Variants in ALPK2 observed in about 807,000 individuals in gnomAD.
The protein encoded by ALPK2 is alpha kinase 2, also known as alpha-protein kinase 2.
A neutral mutation model predicts 163.1 loss-of-function variants in ALPK2; 127 were observed. The observed-to-expected ratio is 0.78, with a 90% CI of 0.67 to 0.90. The LOEUF (loss-of-function observed/expected upper bound fraction) is 0.90. Among genes scored for constraint, ALPK2 ranks in the 40% least tolerant of loss-of-function variants. ALPK2 has a pLI of 0.00. For synonymous variants in ALPK2, 953 were observed against 959.1 expected, an observed-to-expected ratio of 0.99 and a Z score of 0.12; for missense variants, 2,360 against 2,589.6, an observed-to-expected ratio of 0.91 and a Z score of 1.92.
At chr18:58,516,281 G>A (rs1398890236) in intron 9 of ALPK2, among the ~76,000 whole-genome samples, 2 of 151,860 alleles carry the variant, frequency 1.3e-5, no homozygotes, top group East Asian at 3.9e-4. Context: ...GATAGGAGGA[G>A]GAAGGAGCGA....
At chr18:58,556,556 C>T (rs911064908) in intron 4 of ALPK2, among the ~76,000 whole-genome samples, 25 of 139,844 alleles carry the variant, frequency 1.8e-4, no homozygotes, top group African/African-American at 5.5e-4. Flanking sequence ...TTATTAGCTA[C>T]GGGGTGGTGG....
intron 3 of ALPK2, among the ~76,000 whole-genome samples, chr18:58,581,697 T>G (rs12457935): frequency 0.32 from 48,152 of 152,140 alleles, 8,324 homozygotes; most frequent in East Asian, 0.59. Flanking sequence ...CTTATTAATC[T>G]CATTTGACCG....
intron 4 of ALPK2, among the ~76,000 whole-genome samples, chr18:58,554,050 G>A (rs1375656317): frequency 6.6e-6 from 1 of 151,610 alleles, no homozygotes; most frequent in Non-Finnish European, 1.5e-5. Context: ...CAGTAAAGGC[G>A]GGATTTCCCC....
intron 3 of ALPK2, among the ~76,000 whole-genome samples, chr18:58,586,278 G>A (rs1048608861): frequency 3.9e-5 from 6 of 152,152 alleles, no homozygotes; most frequent in Non-Finnish European, 5.9e-5. Context: ...GTGCTAAGTT[G>A]TATGGTAGAA....
chr18:58,493,070 G>A (rs17728221), intron 12 of ALPK2, among the ~76,000 whole-genome samples: 33,065 of 152,142 alleles, frequency 0.22, 4,063 homozygotes, highest in South Asian at 0.4. Flanking sequence ...TGGGCTGACC[G>A]GATGAAGATG....
chr18:58,614,613 C>A lies in ALPK2; in HGVS notation c.-20-2796G>T, dbSNP rs766317770. On this transcript the variant is annotated intron_variant, in intron 1 of 12. Coordinates refer to ENST00000361673, the MANE Select transcript of ALPK2 (RefSeq NM_052947.4). ...GATATCAATTGGTATTTTTAAAAAACCAGATTTAATACCAGCCCAAGGCTG... is the reference window on the plus strand; with the variant it reads ...GATATCAATTGGTATTTTTAAAAAAACAGATTTAATACCAGCCCAAGGCTG... 3.1e-4 allele frequency among the ~76,000 whole-genome samples: 47 copies of A among 152,338 alleles called. 1 individual carries two copies. The highest frequency in any genetic ancestry group is 3.4e-3 in the Middle Eastern group (1 of 294).
At chr18:58,595,288 T>C (rs1376113598) in intron 3 of ALPK2, among the ~76,000 whole-genome samples, 2 of 152,214 alleles carry the variant, frequency 1.3e-5, no homozygotes, top group Non-Finnish European at 2.9e-5. Flanking sequence ...CTGGCTCCTC[T>C]TGCGATCCCT....
chr18:58,618,059 T>A (rs568667691), intron 1 of ALPK2, among the ~76,000 whole-genome samples: 5 of 152,266 alleles, frequency 3.3e-5, no homozygotes, highest in Non-Finnish European at 5.9e-5. Context: ...ATATATATAT[T>A]TTTGAGATGG....
At chr18:58,485,612 G>A (rs2051334617) in intron 12 of ALPK2, among the ~76,000 whole-genome samples, 4 of 152,338 alleles carry the variant, frequency 2.6e-5, no homozygotes, top group African/African-American at 7.2e-5. Flanking sequence ...TGGCAGAGTG[G>A]GAAATCGTCT....
intron 4 of ALPK2, among the ~76,000 whole-genome samples, chr18:58,573,382 G>GTGTA (rs1568089470): frequency 7.2e-6 from 1 of 138,588 alleles, no homozygotes; most frequent in African/African-American, 2.6e-5. Flanking sequence ...ATATGTGTGT[G>GTGTA]TATATATATA....
intron 10 of ALPK2, among the ~76,000 whole-genome samples, chr18:58,506,059 T>C (rs1158710272): frequency 6.6e-6 from 1 of 152,188 alleles, no homozygotes; most frequent in Non-Finnish European, 1.5e-5. Flanking sequence ...ACCGTTCAGA[T>C]GCCGATGGCT....
chr18:58,620,915 G>A (rs1035519889), intron 1 of ALPK2, among the ~76,000 whole-genome samples: 1 of 152,184 alleles, frequency 6.6e-6, no homozygotes, highest in Non-Finnish European at 1.5e-5. Context: ...CAGCACTTTG[G>A]GAGGCCGAGG....
At chr18:58,614,321 T>C (rs1235310964) in intron 1 of ALPK2, among the ~76,000 whole-genome samples, 2 of 152,210 alleles carry the variant, frequency 1.3e-5, no homozygotes, top group Non-Finnish European at 2.9e-5. Flanking sequence ...TGCATTGTGA[T>C]TGTGAATTGG....
intron 4 of ALPK2, among the ~76,000 whole-genome samples, chr18:58,546,784 T>C (rs2051719853): frequency 1.3e-5 from 2 of 152,144 alleles, no homozygotes; most frequent in Non-Finnish European, 2.9e-5. Flanking sequence ...GATGGGAGAT[T>C]TCTGGGAAAT....
chr18:58,560,195 C>T (rs2051818835), intron 4 of ALPK2, among the ~76,000 whole-genome samples: 1 of 152,202 alleles, frequency 6.6e-6, no homozygotes, highest in African/African-American at 2.4e-5. Context: ...GTGAATGAGT[C>T]TCACAAGATC....
intron 8 of ALPK2, among the ~76,000 whole-genome samples, chr18:58,520,428 CAAAAAAAAAAA>C (rs61028795): frequency 4.7e-5 from 3 of 64,386 alleles, no homozygotes; most frequent in Non-Finnish European, 7.4e-5. Flanking sequence ...GACTCCGTCT[CAAAAAAAAAAA>C]AAAAAAAAAA....
At chr18:58,613,579 G>A (rs1266120798) in intron 1 of ALPK2, among the ~76,000 whole-genome samples, 1 of 151,870 alleles carries the variant, frequency 6.6e-6, no homozygotes, top group African/African-American at 2.4e-5. Context: ...TGTAATCCCA[G>A]CTACTCAGGA....
intron 10 of ALPK2, among the ~76,000 whole-genome samples, chr18:58,513,494 A>G (rs1194558854): frequency 6.6e-6 from 1 of 152,188 alleles, no homozygotes; most frequent in African/African-American, 2.4e-5. Context: ...AATGCAGCAA[A>G]TGAATCAGCC....
In ALPK2 at chr18:58,535,103, G is replaced by C. The variant is rs376560005; in HGVS notation, c.5084C>G (p.Ala1695Gly). Residue 1695 changes from alanine to glycine, a missense_variant, in exon 5 of 13, where the codon GCA becomes GGA. Ala to Gly is a moderately conservative substitution (Grantham distance 60). Coordinates refer to ENST00000361673, the MANE Select transcript of ALPK2 (RefSeq NM_052947.4). The part of the protein sequence containing the change: ...REREKSLEAR[A>G]GKSPGTLTAV... ...TGTGAGGGTCCCTGGCGATTTGCCT[G>C]CTCGGGCTTCCAGGGACTTCTCTCT... 3.7e-6 allele frequency: 6 copies of C among 1,614,110 alleles called. No homozygotes were observed. Among genetic ancestry groups the C allele is most frequent in the Non-Finnish European group, 5.1e-6 (6 of 1,180,014 alleles).
Sources: allele counts gnomAD v4.1 joint callset (sites outside exome capture counted in the v4.1 genomes callset), GRCh38; gene constraint gnomAD v4.1.1; transcripts MANE v1.5; gene names NCBI Gene and HGNC (gene_info 2026-07-23, HGNC 2026-07-21).